Variants in SORCS1 observed in about 807,000 individuals in gnomAD.
SORCS1 encodes the protein VPS10 domain-containing receptor SorCS1.
Under a neutral mutation model 146.1 loss-of-function variants are expected in SORCS1, and 60 were observed. The observed-to-expected ratio is 0.41, with a 90% confidence interval of 0.33 to 0.51. SORCS1 has a LOEUF of 0.51. SORCS1 is among the 20% of genes least tolerant of loss of function. The probability of loss-of-function intolerance (pLI) is 0.21; values close to 1 mark genes in which losing one functional copy is unlikely to be tolerated. For missense variants in SORCS1, 1,352 were observed against 1,487.6 expected, an observed-to-expected ratio of 0.91 and a Z score of 1.50; for synonymous variants, 637 against 584.0, an observed-to-expected ratio of 1.09 and a Z score of -1.31.
At chr10:106,738,414 T>C (rs545283269) in intron 5 of SORCS1, among the ~76,000 whole-genome samples, 1 of 152,334 alleles carries the variant, frequency 6.6e-6, no homozygotes, top group East Asian at 1.9e-4. Context: ...TTTTCTCAAA[T>C]CTTGAATACT....
intron 1 of SORCS1, among the ~76,000 whole-genome samples, chr10:107,026,920 G>A (rs1479401016): frequency 1.3e-5 from 2 of 151,458 alleles, no homozygotes; most frequent in Admixed American, 6.6e-5. Flanking sequence ...TGAGAGCATT[G>A]CTTAAAGGGA....
the SORCS1 span, among the ~76,000 whole-genome samples, chr10:107,174,258 T>G: frequency 3.9e-5 from 6 of 152,158 alleles, no homozygotes; most frequent in African/African-American, 1.4e-4. Flanking sequence ...CAGGCTGGAG[T>G]GCAGTGGCGC....
chr10:106,857,680 G>A (rs1043824603), intron 2 of SORCS1, among the ~76,000 whole-genome samples: 1 of 152,144 alleles, frequency 6.6e-6, no homozygotes, highest in African/African-American at 2.4e-5. Flanking sequence ...CGAGTGAGTC[G>A]ACATTTAAAT....
At chr10:106,664,478 T>C (rs1850978128) in intron 17 of SORCS1, among the ~76,000 whole-genome samples, 1 of 151,998 alleles carries the variant, frequency 6.6e-6, no homozygotes, top group East Asian at 1.9e-4. Flanking sequence ...CCATCTCTAG[T>C]AAAAATACAA....
At chr10:106,956,207 G>A (rs1322302874) in intron 2 of SORCS1, among the ~76,000 whole-genome samples, 1 of 151,926 alleles carries the variant, frequency 6.6e-6, no homozygotes, top group Non-Finnish European at 1.5e-5. Flanking sequence ...TCTGCAAAGA[G>A]ACTTCCAGTC....
intron 1 of SORCS1, among the ~76,000 whole-genome samples, chr10:107,018,083 G>A (rs1193623717): frequency 1.3e-5 from 2 of 152,174 alleles, no homozygotes; most frequent in Non-Finnish European, 2.9e-5. Context: ...GTGGCACAGA[G>A]AAGAATCTGA....
chr10:107,045,999 T>G (rs1959373407), intron 1 of SORCS1, among the ~76,000 whole-genome samples: 1 of 151,658 alleles, frequency 6.6e-6, no homozygotes, highest in African/African-American at 2.4e-5. Flanking sequence ...CAGGCTGGAG[T>G]GCAGTGGTGC....
chr10:106,867,986 T>C (rs1438201546), intron 2 of SORCS1, among the ~76,000 whole-genome samples: 1 of 152,086 alleles, frequency 6.6e-6, no homozygotes, highest in African/African-American at 2.4e-5. Flanking sequence ...ATGACACCTA[T>C]AGGCTCAAAA....
At chr10:106,805,842 A>G (rs528730631) in intron 3 of SORCS1, among the ~76,000 whole-genome samples, 1 of 151,790 alleles carries the variant, frequency 6.6e-6, no homozygotes, top group South Asian at 2.1e-4. Flanking sequence ...GTGGATCACG[A>G]GGTCAGGAGA....
intron 3 of SORCS1, among the ~76,000 whole-genome samples, chr10:106,828,612 T>A (rs999793720): frequency 6.6e-6 from 1 of 152,208 alleles, no homozygotes; most frequent in African/African-American, 2.4e-5. Context: ...TAGGGTATGT[T>A]AATGAATGAC....
chr10:106,664,714 C>G (rs1044345401), intron 17 of SORCS1, among the ~76,000 whole-genome samples: 1 of 152,070 alleles, frequency 6.6e-6, no homozygotes, highest in South Asian at 2.1e-4. Flanking sequence ...CAGCCTTGGT[C>G]TATGATTGAG....
intron 1 of SORCS1, among the ~76,000 whole-genome samples, chr10:107,042,972 T>C (rs931198166): frequency 1.3e-5 from 2 of 152,180 alleles, no homozygotes; most frequent in South Asian, 2.1e-4. Context: ...ATCCCAAGAA[T>C]AAATTTATTT....
chr10:106,826,792 T>C (rs1948326156), intron 3 of SORCS1, among the ~76,000 whole-genome samples: 1 of 152,196 alleles, frequency 6.6e-6, no homozygotes, highest in Admixed American at 6.5e-5. Context: ...GGTTCACTCA[T>C]AACATTGTGA....
chr10:106,999,163 G>A (rs1957114101), intron 1 of SORCS1, among the ~76,000 whole-genome samples: 1 of 152,044 alleles, frequency 6.6e-6, no homozygotes, highest in Non-Finnish European at 1.5e-5. Flanking sequence ...GTAATGCCCA[G>A]CACTTCTAAC....
At chr10:107,117,550 G>A (rs1314937104) in intron 1 of SORCS1, among the ~76,000 whole-genome samples, 7 of 152,142 alleles carry the variant, frequency 4.6e-5, no homozygotes, top group African/African-American at 1.7e-4. Flanking sequence ...TTCAAGTTCA[G>A]GACTTCTTCC....
chr10:106,967,440 A>G (rs565561475), intron 1 of SORCS1, among the ~76,000 whole-genome samples: 1 of 152,312 alleles, frequency 6.6e-6, no homozygotes, highest in African/African-American at 2.4e-5. Context: ...TAATCCCAAA[A>G]GAGTAGCAAG....
intron 1 of SORCS1, among the ~76,000 whole-genome samples, chr10:107,081,508 C>T (rs542745779): frequency 2.6e-5 from 4 of 152,280 alleles, no homozygotes; most frequent in African/African-American, 9.6e-5. Context: ...GGGTGAGAGA[C>T]TTGAGAACTT....
chr10:106,771,701 A>G (rs559543217), intron 4 of SORCS1, among the ~76,000 whole-genome samples: 8 of 152,340 alleles, frequency 5.3e-5, no homozygotes, highest in Admixed American at 5.2e-4. Context: ...GTGGGATTGT[A>G]GACACCAAGT....
chr10:107,081,416 A>G (rs938733165), intron 1 of SORCS1, among the ~76,000 whole-genome samples: 1 of 152,226 alleles, frequency 6.6e-6, no homozygotes, highest in African/African-American at 2.4e-5. Context: ...GTCTATCACT[A>G]TACTAAACCA....
Sources: allele counts gnomAD v4.1 joint callset (sites outside exome capture counted in the v4.1 genomes callset), GRCh38; gene constraint gnomAD v4.1.1; transcripts MANE v1.5; gene names NCBI Gene and HGNC (gene_info 2026-07-23, HGNC 2026-07-21).